MAGI2: variants seen among roughly 807,000 people sequenced by gnomAD.
MAGI2 encodes the protein membrane-associated guanylate kinase, WW and PDZ domain-containing protein 2.
In MAGI2, 35 loss-of-function variants were observed where a neutral mutation model predicts 133.3. That is an observed-to-expected ratio of 0.26 (90% CI 0.20 to 0.35). MAGI2 has a LOEUF of 0.35. Ranked by LOEUF, MAGI2 falls within the 10% of genes least tolerant of loss-of-function variation. The probability of loss-of-function intolerance (pLI) is 1.00; values close to 1 mark genes in which losing one functional copy is unlikely to be tolerated. For missense variants in MAGI2, 1,636 were observed against 1,863.4 expected (o/e 0.88, Z 2.25); for synonymous variants, 729 against 710.6 (o/e 1.03, Z -0.41).
intron 3 of MAGI2, chr7:78,616,812 A>G (rs1482260854): frequency 1.3e-5 from 2 of 152,136 alleles, no homozygotes; most frequent in Non-Finnish European, 2.9e-5. Context: ...AAGGGTTCTC[A>G]TTGTTGGGTT....
intron 1 of MAGI2, among the ~76,000 whole-genome samples, chr7:79,178,103 T>G (rs1826273210): frequency 6.6e-6 from 1 of 152,040 alleles, no homozygotes; most frequent in Non-Finnish European, 1.5e-5. Flanking sequence ...AGTCCTACAC[T>G]GTGGTCCTTC....
At chr7:78,417,779 C>G (rs564018549) in intron 6 of MAGI2, among the ~76,000 whole-genome samples, 1 of 152,104 alleles carries the variant, frequency 6.6e-6, no homozygotes, top group Non-Finnish European at 1.5e-5. Flanking sequence ...TACAGCCACA[C>G]GGACTTCAGT....
intron 9 of MAGI2, among the ~76,000 whole-genome samples, chr7:78,313,560 C>T (rs766948957): frequency 3.3e-5 from 5 of 150,648 alleles, no homozygotes; most frequent in African/African-American, 1.2e-4. Flanking sequence ...AAAACAGTTA[C>T]AAACATTAGA....
chr7:78,894,318 C>T (rs921915835), intron 2 of MAGI2, among the ~76,000 whole-genome samples: 3 of 152,106 alleles, frequency 2.0e-5, no homozygotes, highest in Non-Finnish European at 2.9e-5. Context: ...AGGAGAATGG[C>T]GTGAACCCGG....
chr7:79,028,134 C>T (rs1041368627), intron 1 of MAGI2, among the ~76,000 whole-genome samples: 3 of 150,430 alleles, frequency 2.0e-5, no homozygotes, highest in Admixed American at 6.7e-5. Context: ...ATCGCTTGAA[C>T]CCGGGATGCG....
chr7:78,866,784 G>C (rs911003754), intron 2 of MAGI2, among the ~76,000 whole-genome samples: 9 of 152,128 alleles, frequency 5.9e-5, no homozygotes, highest in Middle Eastern at 3.4e-3. Flanking sequence ...GGACAGAAAG[G>C]GGGACAGAGA....
intron 18 of MAGI2, 66 bp from the exon 19 acceptor site, chr7:78,127,482 C>A: frequency 7.8e-7 from 1 of 1,288,982 alleles, no homozygotes; most frequent in Non-Finnish European, 1.1e-6. Context: ...AGTGATCACA[C>A]GGCCTCCAGA....
At chr7:78,437,375 G>T (rs980576066) in intron 6 of MAGI2, among the ~76,000 whole-genome samples, 7 of 152,170 alleles carry the variant, frequency 4.6e-5, no homozygotes, top group Non-Finnish European at 7.4e-5. Flanking sequence ...CATGCAAAAA[G>T]AATTTGTACT....
At chr7:79,226,764 C>T (rs1830897033) in intron 1 of MAGI2, among the ~76,000 whole-genome samples, 1 of 152,048 alleles carries the variant, frequency 6.6e-6, no homozygotes, top group Non-Finnish European at 1.5e-5. Context: ...TAGTGAAATT[C>T]CATTTTAGTT....
intron 1 of MAGI2, among the ~76,000 whole-genome samples, chr7:79,357,508 GC>G (rs1842098627): frequency 6.6e-6 from 1 of 152,156 alleles, no homozygotes; most frequent in Non-Finnish European, 1.5e-5. Context: ...TCTTAAGGCT[GC>G]CCTGCTTTAT....
chr7:78,683,282 A>G (rs542201960), intron 2 of MAGI2, among the ~76,000 whole-genome samples: 1 of 152,340 alleles, frequency 6.6e-6, no homozygotes, highest in African/African-American at 2.4e-5. Flanking sequence ...AGTGCTACAA[A>G]GATGATATTA....
At chr7:78,276,665 A>C (rs1185388461) in intron 9 of MAGI2, among the ~76,000 whole-genome samples, 1 of 152,274 alleles carries the variant, frequency 6.6e-6, no homozygotes, top group South Asian at 2.1e-4. Flanking sequence ...GGTAAAAGAT[A>C]ATTGCAGTTA....
chr7:79,042,730 C>T (rs1440154816), intron 1 of MAGI2, among the ~76,000 whole-genome samples: 1 of 152,034 alleles, frequency 6.6e-6, no homozygotes, highest in Non-Finnish European at 1.5e-5. Flanking sequence ...TGATACTTGG[C>T]CAAACAGACC....
chr7:78,491,658 T>C (rs1005541549), intron 5 of MAGI2, among the ~76,000 whole-genome samples: 1 of 152,028 alleles, frequency 6.6e-6, no homozygotes, highest in Non-Finnish European at 1.5e-5. Context: ...TAGAAGGATA[T>C]AAAATATTGC....
intron 1 of MAGI2, among the ~76,000 whole-genome samples, chr7:79,075,465 T>C (rs10251142): frequency 0.037 from 5,558 of 152,178 alleles, 313 homozygotes; most frequent in African/African-American, 0.12. Flanking sequence ...GTAGTGAATA[T>C]AATTATATCA....
chr7:79,146,441 C>T (rs1446848879), intron 1 of MAGI2, among the ~76,000 whole-genome samples: 1 of 152,142 alleles, frequency 6.6e-6, no homozygotes, highest in African/African-American at 2.4e-5. Flanking sequence ...CCTGTAGGGT[C>T]CAATCTTTGA....
At chr7:79,446,939 G>A (rs751131285) in intron 1 of MAGI2, among the ~76,000 whole-genome samples, 18 of 151,928 alleles carry the variant, frequency 1.2e-4, no homozygotes, top group Admixed American at 3.9e-4. Context: ...ACGACAGAGC[G>A]AGACTCCGTC....
At chr7:79,126,718 C>A (rs540352921) in intron 1 of MAGI2, among the ~76,000 whole-genome samples, 1 of 152,016 alleles carries the variant, frequency 6.6e-6, no homozygotes, top group East Asian at 1.9e-4. Context: ...TCTCATCTCC[C>A]TTTTTTGGCT....
At chr7:78,389,939 C>T (rs1466963806) in intron 6 of MAGI2, among the ~76,000 whole-genome samples, 1 of 152,198 alleles carries the variant, frequency 6.6e-6, no homozygotes, top group Non-Finnish European at 1.5e-5. Flanking sequence ...TTTATTCCCT[C>T]ATGTGGACAC....
Sources: allele counts gnomAD v4.1 joint callset (sites outside exome capture counted in the v4.1 genomes callset), GRCh38; gene constraint gnomAD v4.1.1; transcripts MANE v1.5; gene names NCBI Gene and HGNC (gene_info 2026-07-23, HGNC 2026-07-21).